LDLRAD4: variants seen among roughly 807,000 people sequenced by gnomAD.
LDLRAD4 encodes low-density lipoprotein receptor class A domain-containing protein 4.
Under a neutral mutation model 17.0 loss-of-function variants are expected in LDLRAD4, and 5 were observed. The observed-to-expected ratio is 0.29, with a 90% CI of 0.15 to 0.62. LDLRAD4 has a LOEUF of 0.62. Ranked by LOEUF, LDLRAD4 falls within the 20% of genes least tolerant of loss-of-function variation. The pLI, the probability that LDLRAD4 is intolerant of heterozygous loss-of-function variation, is 0.84. For missense variants in LDLRAD4, 340 were observed against 424.7 expected (o/e 0.80, Z 1.75); for synonymous variants, 168 against 171.8 (o/e 0.98, Z 0.17).
At chr18:13,509,950 G>A (rs2093751656) in intron 3 of LDLRAD4, among the ~76,000 whole-genome samples, 1 of 152,184 alleles carries the variant, frequency 6.6e-6, no homozygotes, top group African/African-American at 2.4e-5. Flanking sequence ...TTGATTTAAG[G>A]TATGTACCTT....
At chr18:13,247,188 C>T (rs1171829237) in intron 1 of LDLRAD4, among the ~76,000 whole-genome samples, 1 of 152,108 alleles carries the variant, frequency 6.6e-6, no homozygotes, top group Admixed American at 6.6e-5. Flanking sequence ...CTCTGTATGC[C>T]TCCCCTTTCT....
chr18:13,434,310 T>A (rs1285650618), intron 2 of LDLRAD4, among the ~76,000 whole-genome samples: 3 of 152,072 alleles, frequency 2.0e-5, no homozygotes, highest in Non-Finnish European at 4.4e-5. Context: ...TGCCACTTTC[T>A]TCACTTAGAA....
At chr18:13,643,440 C>A (rs573992951) in intron 5 of LDLRAD4, 28 bp downstream of exon 6, 2 of 132,522 alleles carry the variant, frequency 1.5e-5, no homozygotes, top group South Asian at 7.3e-4. Context: ...GTGATGGCTG[C>A]GGGGGGCGGG....
intron 1 of LDLRAD4, chr18:13,240,864 A>G (rs2042604999): frequency 6.6e-6 from 1 of 152,156 alleles, no homozygotes; most frequent in Admixed American, 6.6e-5. Context: ...TTGTGGTCTA[A>G]TCTCACGATT....
At chr18:13,600,959 G>A (rs1218883927) in intron 3 of LDLRAD4, among the ~76,000 whole-genome samples, 1 of 152,066 alleles carries the variant, frequency 6.6e-6, no homozygotes, top group Non-Finnish European at 1.5e-5. Flanking sequence ...CTTAATTAAG[G>A]TCATTTTTAA....
At chr18:13,545,629 T>A (rs188254353) in intron 3 of LDLRAD4, among the ~76,000 whole-genome samples, 6 of 152,138 alleles carry the variant, frequency 3.9e-5, no homozygotes, top group African/African-American at 1.2e-4. Context: ...CAGCCGGCCA[T>A]GAGCAGTGCG....
intron 1 of LDLRAD4, among the ~76,000 whole-genome samples, chr18:13,337,350 C>T (rs1348559431): frequency 1.3e-5 from 2 of 152,188 alleles, no homozygotes; most frequent in Non-Finnish European, 2.9e-5. Context: ...TCTGCCCAAT[C>T]TCAGCTGCCT....
intron 1 of LDLRAD4, among the ~76,000 whole-genome samples, chr18:13,294,928 C>T (rs1456555992): frequency 6.6e-6 from 1 of 151,742 alleles, no homozygotes; most frequent in African/African-American, 2.4e-5. Context: ...TTAGAAAATG[C>T]TTAGGAAAAG....
intron 3 of LDLRAD4, among the ~76,000 whole-genome samples, chr18:13,513,799 T>C (rs1390361656): frequency 1.3e-5 from 2 of 152,240 alleles, no homozygotes; most frequent in East Asian, 3.8e-4. Context: ...CTGGCACACT[T>C]AGCCTGTCTT....
In LDLRAD4 at chr18:13,645,767, A is replaced by G. The variant is rs931502031; in HGVS notation, c.*110A>G. 2.7e-6 allele frequency: 2 copies of G among 749,534 alleles called. No homozygotes were observed. The highest frequency in any genetic ancestry group is 3.6e-5 in the African/African-American group (2 of 56,102). The allele number at this position is 749,534 out of a possible 1,614,324, so 46.4% of individuals were successfully genotyped here. ...GTTTCACATGGTACAAATAAGTAAA[A>G]CCAAATGAGCAAACACGGTCTTTGT... On this transcript the variant is annotated 3_prime_UTR_variant, in exon 6 of 6. Transcript: ENST00000359446. This position sits in a 1 kb window ranked among gnomAD's most constrained non-coding sequence, Gnocchi z 5.7.
intron 3 of LDLRAD4, among the ~76,000 whole-genome samples, chr18:13,542,057 C>A (rs898573810): frequency 1.3e-5 from 2 of 152,116 alleles, no homozygotes; most frequent in African/African-American, 4.8e-5. Context: ...GCCCTGGCAA[C>A]AGAGTAAGAC....
intron 3 of LDLRAD4, among the ~76,000 whole-genome samples, chr18:13,533,742 G>A (rs2094162740): frequency 6.6e-6 from 1 of 152,056 alleles, no homozygotes; most frequent in South Asian, 2.1e-4. Context: ...GGGTATTTTT[G>A]AATTGAGTTT....
chr18:13,391,701 G>T (rs930173166), intron 2 of LDLRAD4, among the ~76,000 whole-genome samples: 3 of 152,040 alleles, frequency 2.0e-5, no homozygotes, highest in Admixed American at 1.3e-4. Context: ...TTTCCTACAC[G>T]CATCTTTGCC....
intron 1 of LDLRAD4, among the ~76,000 whole-genome samples, chr18:13,301,031 G>T (rs2046566254): frequency 6.6e-6 from 1 of 152,200 alleles, no homozygotes; most frequent in Admixed American, 6.5e-5. Context: ...TGGGGCTCGT[G>T]TGTGCCCTGC....
At chr18:13,463,396 C>T (rs2092505459) in intron 3 of LDLRAD4, among the ~76,000 whole-genome samples, 2 of 152,256 alleles carry the variant, frequency 1.3e-5, no homozygotes, top group African/African-American at 2.4e-5. Context: ...CCCAGGGCAC[C>T]TGCCTGACGA....
intron 1 of LDLRAD4, among the ~76,000 whole-genome samples, chr18:13,311,336 C>A: frequency 6.6e-6 from 1 of 152,306 alleles, no homozygotes; most frequent in East Asian, 1.9e-4. Context: ...ACCTGCCTAC[C>A]GATCCACCCT....
chr18:13,222,932 A>C (rs2041543372), intron 1 of LDLRAD4, among the ~76,000 whole-genome samples: 1 of 152,230 alleles, frequency 6.6e-6, no homozygotes, highest in African/African-American at 2.4e-5. Context: ...TTCTTTCTGC[A>C]GGTGCAGACA....
intron 1 of LDLRAD4, among the ~76,000 whole-genome samples, chr18:13,338,048 T>C (rs1223725520): frequency 6.6e-6 from 1 of 152,172 alleles, no homozygotes; most frequent in Non-Finnish European, 1.5e-5. Context: ...TTAAGAACTT[T>C]ATGGTCACCT....
At chr18:13,480,814 T>C (rs1488362517) in intron 3 of LDLRAD4, among the ~76,000 whole-genome samples, 1 of 152,194 alleles carries the variant, frequency 6.6e-6, no homozygotes, top group Non-Finnish European at 1.5e-5. Flanking sequence ...TGACAAATGT[T>C]AGAAATAAGT....
Sources: allele counts gnomAD v4.1 joint callset (sites outside exome capture counted in the v4.1 genomes callset), GRCh38; gene constraint gnomAD v4.1.1; non-coding constraint Gnocchi (gnomAD v3.1); transcripts MANE v1.5; gene names NCBI Gene and HGNC (gene_info 2026-07-23, HGNC 2026-07-21).